LINS1: variants seen among roughly 807,000 people sequenced by gnomAD.
LINS1 encodes the protein protein Lines homolog 1.
In LINS1, 27 loss-of-function variants were observed where a neutral mutation model predicts 41.6. The observed-to-expected ratio is 0.65, with a 90% CI of 0.48 to 0.89. The LOEUF (loss-of-function observed/expected upper bound fraction) is 0.89. LINS1 is among the 40% of genes least tolerant of loss of function. LINS1 has a pLI of 0.00. For synonymous variants in LINS1, 336 were observed against 312.9 expected, an observed-to-expected ratio of 1.07 and a Z score of -0.78; for missense variants, 955 against 884.1, an observed-to-expected ratio of 1.08 and a Z score of -1.02.
intron 1 of LINS1, among the ~76,000 whole-genome samples, chr15:100,591,574 A>T (rs1213438745): frequency 6.6e-6 from 1 of 152,252 alleles, no homozygotes; most frequent in Admixed American, 6.5e-5. Flanking sequence ...GACGTTAAGG[A>T]AACACATAGA....
intron 3 of LINS1, among the ~76,000 whole-genome samples, chr15:100,576,212 T>C (rs1340648080): frequency 6.6e-6 from 1 of 152,062 alleles, no homozygotes; most frequent in Non-Finnish European, 1.5e-5. Flanking sequence ...CAAAAAACCC[T>C]TCAAAAAATC....
rs779280190 is a variant in LINS1 at position 100,580,868 on chromosome 15, A to C, written c.-26T>G. The C allele has an allele frequency of 6.2e-7, 1 of 1,600,352 alleles. No homozygotes were observed. Among genetic ancestry groups the C allele is most frequent in the Non-Finnish European group, 8.5e-7 (1 of 1,171,528 alleles). ...TTTGACTTCCAAAATGTATCTTATA[A>C]GAAGGTCGACAACTCCAAGTTGTAA... On this transcript the variant is annotated 5_prime_UTR_variant, in exon 2 of 7. Transcript: ENST00000314742.
chr15:100,575,529 C>T (rs185682415), intron 3 of LINS1, among the ~76,000 whole-genome samples: 7 of 152,204 alleles, frequency 4.6e-5, no homozygotes. Context: ...TAAAGCAACT[C>T]CTTAGAGACC....
At chr15:100,598,821 C>T (rs1304472969) in intron 1 of LINS1, among the ~76,000 whole-genome samples, 1 of 152,226 alleles carries the variant, frequency 6.6e-6, no homozygotes, top group African/African-American at 2.4e-5. Context: ...GATCCCCAGA[C>T]ACAACCTGCT....
intron 5 of LINS1, chr15:100,572,805 G>A: frequency 1.1e-6 from 1 of 940,878 alleles, no homozygotes; most frequent in Non-Finnish European, 1.3e-6. Context: ...AATTATATAT[G>A]TAACAATTTC....
rs56911211 is a variant in LINS1, at chr15:100,600,551, C to CAAAAAAAAAAAAAAAA, written c.-104+1554_-104+1569dup. On this transcript the variant is annotated intron_variant, in intron 1 of 6. Transcript: ENST00000314742. ...TTTACATTGGAGTCCTGCTGTTAAG[C>CAAAAAAAAAAAAAAAA]AAAAAAAAAAAAAAAAAAAACAGGG... 3.9e-4 allele frequency among the ~76,000 whole-genome samples: 31 copies of CAAAAAAAAAAAAAAAA among 79,672 alleles called. 7 individuals are homozygous for CAAAAAAAAAAAAAAAA. The highest frequency in any genetic ancestry group is 2.0e-3 in the African/African-American group (30 of 15,004). 52.3% of individuals were successfully genotyped at this position (79,672 alleles called of 152,430 possible).
chr15:100,580,385 G>A (rs2141307085), intron 2 of LINS1, 33 bp from the exon 3 acceptor site: 3 of 1,602,642 alleles, frequency 1.9e-6, no homozygotes, highest in Non-Finnish European at 2.6e-6. Context: ...AACCACTATT[G>A]CTGAATGTTC....
chr15:100,589,808 A>G (rs1322099925), intron 1 of LINS1, among the ~76,000 whole-genome samples: 2 of 152,248 alleles, frequency 1.3e-5, no homozygotes, highest in Non-Finnish European at 2.9e-5. Context: ...CTGGTTATAT[A>G]AAAGCTCTCC....
Position 100,580,925 on chromosome 15 carries a change from AAG to A in LINS1, c.-85_-84del. On this transcript the variant is annotated 5_prime_UTR_variant, in exon 2 of 7. Coordinates refer to ENST00000314742, the MANE Select transcript of LINS1 (RefSeq NM_001040616.3). ...AATCTCAGAAGTGCAATGAATCTCT[AAG>A]AAGTTTCTTCAGTGAAACCTAAAAT... 7.6e-7 allele frequency: 1 copy of A among 1,307,444 alleles called. No individual in the cohort carries two copies. The highest frequency in any genetic ancestry group is 1.1e-6 in the Non-Finnish European group (1 of 938,072). The allele number at this position is 1,307,444 out of a possible 1,614,324, so 81.0% of individuals were successfully genotyped here.
Position 100,569,215 on chromosome 15 carries a change from C to T in LINS1, c.*23G>A, listed in dbSNP as rs770395566. 1 of 1,498,432 alleles carries T rather than the reference C, an allele frequency of 6.7e-7. No individual in the cohort carries two copies. Among genetic ancestry groups the T allele is most frequent in the South Asian group, 1.1e-5 (1 of 87,548 alleles). The allele number at this position is 1,498,432 out of a possible 1,614,324, so 92.8% of individuals were successfully genotyped here. A position where few individuals can be genotyped will look rare whatever the true frequency, so the allele number is the denominator to read the frequency against. On this transcript the variant is annotated 3_prime_UTR_variant, in exon 7 of 7. Coordinates refer to ENST00000314742, the MANE Select transcript of LINS1 (RefSeq NM_001040616.3). ...AATTTATATTAAGGAAAAACAATACCTGGAAAATAAAATGTCAATGTTTTA... is the reference window on the plus strand; with the variant it reads ...AATTTATATTAAGGAAAAACAATACTTGGAAAATAAAATGTCAATGTTTTA...
Position 100,569,880 on chromosome 15 carries a change from G to T in LINS1, c.1632C>A (p.Asn544Lys). 2 of 1,613,576 alleles carry T rather than the reference G, an allele frequency of 1.2e-6. No homozygotes were observed. The highest frequency in any genetic ancestry group is 1.7e-6 in the Non-Finnish European group (2 of 1,179,622). The change falls in exon 7 of 7, where the codon AAC becomes AAA. Residue 544 changes from asparagine (N) to lysine (K), a missense_variant. Transcript: ENST00000314742. ...CATATTTAGATTCAGTTGCATCAAA[G>T]TTATTGCAAATGGTGAAAAAATTAT... ...DWDNFFTICN[N>K]FDATESKYDI... is the part of the protein sequence containing the mutation.
intron 1 of LINS1, among the ~76,000 whole-genome samples, chr15:100,592,676 A>ACT (rs1338424378): frequency 6.6e-6 from 1 of 152,190 alleles, no homozygotes; most frequent in Non-Finnish European, 1.5e-5. Context: ...CCATATATAT[A>ACT]CTTTAACAAA....
chr15:100,582,816 C>T (rs1220675512), intron 1 of LINS1, among the ~76,000 whole-genome samples: 1 of 148,740 alleles, frequency 6.7e-6, no homozygotes, highest in Non-Finnish European at 1.5e-5. Context: ...GCCCACTAGC[C>T]TAGTCTTGGT....
At chr15:100,570,188 T>C in intron 6 of LINS1, 71 bp from the exon 7 acceptor site, 1 of 1,224,148 alleles carries the variant, frequency 8.2e-7, no homozygotes, top group Non-Finnish European at 1.2e-6. Flanking sequence ...CAGATATAAT[T>C]CACATACCAT....
At chr15:100,581,071 A>G in intron 1 of LINS1, 126 bp from the exon 2 acceptor site, 1 of 466,636 alleles carries the variant, frequency 2.1e-6, no homozygotes, top group Non-Finnish European at 3.8e-6. Context: ...AATTTCTAAA[A>G]TGGAAAATTG....
intron 1 of LINS1, among the ~76,000 whole-genome samples, chr15:100,584,267 T>C (rs1375695975): frequency 6.8e-6 from 1 of 147,884 alleles, no homozygotes; most frequent in Non-Finnish European, 1.5e-5. Context: ...TTAAATGCTA[T>C]AGCAATAAAA....
At chr15:100,574,816 T>G (rs1029726667) in intron 4 of LINS1, among the ~76,000 whole-genome samples, 171 bp downstream of exon 4, 2 of 147,432 alleles carry the variant, frequency 1.4e-5, no homozygotes, top group African/African-American at 4.9e-5. Flanking sequence ...TTCCTTATAC[T>G]TTTTTTTCTT....
At chr15:100,571,221 C>T (rs1846021411) in intron 6 of LINS1, among the ~76,000 whole-genome samples, 2 of 152,122 alleles carry the variant, frequency 1.3e-5, no homozygotes, top group South Asian at 4.1e-4. Flanking sequence ...GCAAGAAATC[C>T]CTTTCTCCCA....
At chr15:100,582,803 A>C (rs2038618675) in intron 1 of LINS1, among the ~76,000 whole-genome samples, 1 of 137,566 alleles carries the variant, frequency 7.3e-6, no homozygotes, top group Admixed American at 7.5e-5. Context: ...CATCTACACT[A>C]CGGCCCACTA....
Sources: gnomAD v4.1 joint callset for allele counts (sites outside exome capture counted in the v4.1 genomes callset) on GRCh38, gnomAD v4.1.1 for gene constraint, MANE v1.5 for transcripts, NCBI Gene and HGNC (gene_info 2026-07-23, HGNC 2026-07-21) for gene names.